The following IL12RB2 variants were observed in gnomAD, a reference collection of about 807,000 sequenced individuals.
The protein encoded by IL12RB2 is interleukin-12 receptor subunit beta-2.
Under a neutral mutation model 89.4 loss-of-function variants are expected in IL12RB2, and 82 were observed. The observed-to-expected ratio is 0.92, with a 90% CI of 0.77 to 1.10. IL12RB2 has a LOEUF of 1.10. IL12RB2 is among the 50% of genes least tolerant of loss of function. The pLI, the probability that IL12RB2 is intolerant of heterozygous loss-of-function variation, is 0.00. For synonymous variants in IL12RB2, 368 were observed against 370.1 expected (o/e 0.99, Z 0.07); for missense variants, 963 against 1,031.9 (o/e 0.93, Z 0.92).
chr1:67,330,998 T>C (rs1182571829), intron 8 of IL12RB2, among the ~76,000 whole-genome samples, 188 bp downstream of exon 8: 4 of 152,224 alleles, frequency 2.6e-5, no homozygotes, highest in Non-Finnish European at 5.9e-5. Context: ...AATATGTTTG[T>C]GTTGCAAGGA....
At chr1:67,384,062 C>T (rs1664881570) in intron 14 of IL12RB2, among the ~76,000 whole-genome samples, 1 of 152,242 alleles carries the variant, frequency 6.6e-6, no homozygotes, top group Non-Finnish European at 1.5e-5. Context: ...AGGACAGTGG[C>T]CCTCTTTTCA....
intron 9 of IL12RB2, among the ~76,000 whole-genome samples, chr1:67,348,047 C>T (rs1265973288): frequency 6.6e-6 from 1 of 152,106 alleles, no homozygotes; most frequent in African/African-American, 2.4e-5. Context: ...TTGGTCTTTC[C>T]TTTATCATTC....
intron 8 of IL12RB2, among the ~76,000 whole-genome samples, chr1:67,333,342 A>G (rs1365139771): frequency 2.7e-5 from 4 of 150,548 alleles, no homozygotes; most frequent in Non-Finnish European, 4.4e-5. Flanking sequence ...AACCCTTTCA[A>G]TGTGTACTCA....
intron 2 of IL12RB2, among the ~76,000 whole-genome samples, chr1:67,317,795 G>A (rs1655969777): frequency 6.6e-6 from 1 of 152,094 alleles, no homozygotes. Flanking sequence ...CTGTTTCCCA[G>A]TGTTAAGTGC....
chr1:67,390,372 G>C (rs1462908341), intron 16 of IL12RB2, among the ~76,000 whole-genome samples: 1 of 150,710 alleles, frequency 6.6e-6, no homozygotes, highest in Admixed American at 6.6e-5. Flanking sequence ...TTATACCTCA[G>C]TATGCCTCAC....
At chr1:67,352,170 A>T (rs1660922452) in intron 10 of IL12RB2, among the ~76,000 whole-genome samples, 1 of 152,246 alleles carries the variant, frequency 6.6e-6, no homozygotes, top group South Asian at 2.1e-4. Flanking sequence ...TATATATACA[A>T]GTAAACAGTA....
At chr1:67,378,848 CAA>C (rs56260019) in intron 13 of IL12RB2, among the ~76,000 whole-genome samples, 7 of 91,900 alleles carry the variant, frequency 7.6e-5, no homozygotes, top group African/African-American at 3.7e-4. Flanking sequence ...AGACTCTTCT[CAA>C]AAAAAAAAAA....
intron 10 of IL12RB2, among the ~76,000 whole-genome samples, chr1:67,355,182 G>A (rs1661251436): frequency 6.6e-6 from 1 of 152,144 alleles, no homozygotes; most frequent in Non-Finnish European, 1.5e-5. Flanking sequence ...GGGAGGCCGA[G>A]GCAGGTAGAT....
chr1:67,357,676 T>C (rs1471859193), intron 10 of IL12RB2, among the ~76,000 whole-genome samples: 1 of 152,228 alleles, frequency 6.6e-6, no homozygotes, highest in Non-Finnish European at 1.5e-5. Flanking sequence ...CAATTACATC[T>C]ATCTTTTCCA....
At chr1:67,326,054 A>T (rs1461593169) in intron 4 of IL12RB2, among the ~76,000 whole-genome samples, 1 of 152,232 alleles carries the variant, frequency 6.6e-6, no homozygotes, top group Admixed American at 6.5e-5. Flanking sequence ...TATGTACACA[A>T]AAGAATTAAT....
Position 67,390,013 on chromosome 1 carries a change from T to C in IL12RB2, c.1947-16T>C, listed in dbSNP as rs1466609381. On this transcript the variant is annotated splice_polypyrimidine_tract_variant and intron_variant, in intron 15 of 16. Coordinates refer to ENST00000674203, the MANE Select transcript of IL12RB2 (RefSeq NM_001374259.2). ...GTGCACACCTAAGGAAATGTCACTGTTTTCTTTATCTATAGGGTGTTTGTT... is the reference window on the plus strand; with the variant it reads ...GTGCACACCTAAGGAAATGTCACTGCTTTCTTTATCTATAGGGTGTTTGTT... 2.0e-6 allele frequency: 2 copies of C among 1,005,576 alleles called. No individual in the cohort carries two copies. The highest frequency in any genetic ancestry group is 3.2e-6 in the Non-Finnish European group (2 of 623,694). 62.3% of individuals were successfully genotyped at this position (1,005,576 alleles called of 1,614,324 possible). A position where few individuals can be genotyped will look rare whatever the true frequency, so the allele number is the denominator to read the frequency against.
At chr1:67,377,294 C>T (rs1308048992) in intron 13 of IL12RB2, among the ~76,000 whole-genome samples, 4 of 152,166 alleles carry the variant, frequency 2.6e-5, no homozygotes, top group African/African-American at 9.7e-5. Flanking sequence ...GCATGCAAGA[C>T]ATCTCTGACT....
At chr1:67,330,599 A>G (rs1277131073) in intron 7 of IL12RB2, 61 bp from the exon 8 acceptor site, 3 of 801,616 alleles carry the variant, frequency 3.7e-6, no homozygotes, top group Middle Eastern at 3.6e-4. Context: ...ATTTTATGTT[A>G]AAATTCCTTA....
rs202182535 is a variant in IL12RB2, at chr1:67,395,541, T to G, written c.2047-6T>G. 1 of 1,614,204 alleles carries G rather than the reference T, an allele frequency of 6.2e-7. No individual in the cohort carries two copies. The highest frequency in any genetic ancestry group is 8.5e-7 in the Non-Finnish European group (1 of 1,180,034). On this transcript the variant is annotated splice_polypyrimidine_tract_variant and splice_region_variant and intron_variant, in intron 16 of 16. Transcript: ENST00000674203. Reference sequence around the variant, plus strand: ...GTGTGAGCCTCTTCCTCCTCCTTTCTCTCAGGAGAAGACACAGCTGCCCTT... The same window carrying G: ...GTGTGAGCCTCTTCCTCCTCCTTTCGCTCAGGAGAAGACACAGCTGCCCTT...
At chr1:67,359,584 T>C (rs1394861454) in intron 10 of IL12RB2, among the ~76,000 whole-genome samples, 1 of 151,260 alleles carries the variant, frequency 6.6e-6, no homozygotes, top group East Asian at 1.9e-4. Context: ...TAGCTGGGAG[T>C]CGTGGCATAT....
chr1:67,354,737 A>G (rs1267695147), intron 10 of IL12RB2, among the ~76,000 whole-genome samples: 1 of 152,218 alleles, frequency 6.6e-6, no homozygotes, highest in African/African-American at 2.4e-5. Context: ...AATGATCTGT[A>G]GGGGTAGAAC....
intron 13 of IL12RB2, chr1:67,379,779 A>C: frequency 2.4e-6 from 1 of 411,928 alleles, no homozygotes; most frequent in Non-Finnish European, 4.3e-6. Flanking sequence ...TAATTTGTTT[A>C]ATATGCTGTG....
At chr1:67,329,011 C>T (rs760972136) in intron 6 of IL12RB2, among the ~76,000 whole-genome samples, 1 of 152,180 alleles carries the variant, frequency 6.6e-6, no homozygotes, top group Non-Finnish European at 1.5e-5. Flanking sequence ...ATGTGCTTCT[C>T]GCCTCTCTTT....
intron 10 of IL12RB2, among the ~76,000 whole-genome samples, chr1:67,354,028 T>C (rs933522606): frequency 2.0e-5 from 3 of 152,186 alleles, no homozygotes; most frequent in African/African-American, 7.2e-5. Flanking sequence ...GAATCCAGCA[T>C]AGGTAAAAGA....
Sources: allele counts gnomAD v4.1 joint callset (sites outside exome capture counted in the v4.1 genomes callset), GRCh38; gene constraint gnomAD v4.1.1; transcripts MANE v1.5; gene names NCBI Gene and HGNC (gene_info 2026-07-23, HGNC 2026-07-21).